The following LAMA5 variants were observed in gnomAD, a reference collection of about 807,000 sequenced individuals.
The protein encoded by LAMA5 is laminin subunit alpha-5.
LAMA5 carries 260 observed loss-of-function variants against 433.4 expected under a neutral mutation model. The ratio of observed to expected loss-of-function variants is 0.60; its 90% CI spans 0.54 to 0.66. LAMA5 has a LOEUF of 0.66. LAMA5 is among the 30% of genes least tolerant of loss of function. The pLI is 0.00. For missense variants in LAMA5, 5,378 were observed against 5,258.5 expected (o/e 1.02, Z -0.70); for synonymous variants, 2,620 against 2,226.6 (o/e 1.18, Z -4.97).
rs567554369 is a variant in LAMA5 at position 62,323,565 on chromosome 20, G to T, written c.5955C>A (p.Asp1985Glu). Reference protein sequence around the residue: ...GDPNLLFSDCDPLTGACRGCL... With the variant: ...GDPNLLFSDCEPLTGACRGCL... ...AGCCACGGCAGGCGCCCGTCAGGGG[G>T]TCGCAGTCGCTGAAGAGCAAGTTGG... The change falls in exon 45 of 80, where the codon GAC becomes GAA. Residue 1985 changes from aspartate to glutamate, a missense_variant. Transcript: ENST00000252999. The T allele has an allele frequency of 1.2e-6, 2 of 1,603,454 alleles. No individual in the cohort carries two copies. The highest frequency in any genetic ancestry group is 1.7e-4 in the Middle Eastern group (1 of 6,042).
rs144342844 is a variant in LAMA5 at position 62,310,046 on chromosome 20, G to A, written c.10770C>T (p.Phe3590=). ...LLRADDGAGE[F]STSVTRPSVL... ...CTGAGGGGCGGGTCACTGACGTGGA[G>A]AACTCCCCTGCTCCGTCATCCGCCC... The change falls in exon 78 of 80, where the codon TTC becomes TTT. Residue 3590 remains phenylalanine, a synonymous_variant. Transcript: ENST00000252999. The A allele has an allele frequency of 3.6e-4, 587 of 1,611,222 alleles. 1 individual carries two copies. The highest frequency in any genetic ancestry group is 8.2e-4 in the South Asian group (75 of 91,068).
At chr20:62,336,154 T>G in intron 18 of LAMA5, among the ~76,000 whole-genome samples, 186 bp downstream of exon 18, 1 of 115,232 alleles carries the variant, frequency 8.7e-6, no homozygotes, top group Non-Finnish European at 1.8e-5. Context: ...CACCCCAACA[T>G]TCCCTTCAGG....
chr20:62,317,352 G>A lies in LAMA5; in HGVS notation c.7504C>T (p.Leu2502=), dbSNP rs758488090. Residue 2502 remains leucine, a synonymous_variant, in exon 55 of 80, where the codon CTG becomes TTG. Transcript: ENST00000252999. ...CCTCTCCTGGCCACCCACCTGGACA[G>A]ATTGAGTGCCAGCTGGCCCAGCTGC... ...AQQLGQLALN[L]SSIILDVNQD... The A allele has an allele frequency of 6.2e-6, 10 of 1,607,280 alleles. No homozygotes were observed. The South Asian group carries it at 8.8e-5, about 14-fold the overall frequency.
rs963152161 is a variant in LAMA5, at chr20:62,359,604, C to A, written c.450+2796G>T. Reference sequence around the variant, plus strand: ...GATACGCAAGAACCCCCTAGAAGGACCCCCTGGGGAAGGTCACGTCTGGAA... The same window carrying A: ...GATACGCAAGAACCCCCTAGAAGGAACCCCTGGGGAAGGTCACGTCTGGAA... On this transcript the variant is annotated intron_variant, in intron 2 of 79. Coordinates refer to ENST00000252999, the MANE Select transcript of LAMA5 (RefSeq NM_005560.6). The surrounding 1 kb of genome is among the most constrained non-coding windows in gnomAD (Gnocchi z 4.3). 3.9e-5 allele frequency among the ~76,000 whole-genome samples: 6 copies of A among 152,108 alleles called. No individual in the cohort carries two copies. Among genetic ancestry groups the A allele is most frequent in the East Asian group, 1.9e-4 (1 of 5,182 alleles).
Position 62,336,428 on chromosome 20 carries a change from C to G in LAMA5, c.2235G>C (p.Met745Ile). 1 of 1,612,440 alleles carries G rather than the reference C, an allele frequency of 6.2e-7. No individual in the cohort carries two copies. Among genetic ancestry groups the G allele is most frequent in the Non-Finnish European group, 8.5e-7 (1 of 1,179,748 alleles). The stretch of plus-strand genomic sequence containing the variant: ...TCGGCCCCTCCACGTGAGCCCGGCA[C>G]ATACAGGGAACCTGTGCCTGGGAGA... Reference protein sequence around the residue: ...PALPEAQVPCMCRAHVEGPSC... With the variant: ...PALPEAQVPCICRAHVEGPSC... Residue 745 changes from methionine to isoleucine, a missense_variant, in exon 18 of 80, where the codon ATG (methionine) becomes ATC (isoleucine). By Grantham distance (10) the Met-to-Ile change is conservative. Transcript: ENST00000252999.
intron 51 of LAMA5, 56 bp from the exon 52 acceptor site, chr20:62,319,069 C>G: frequency 6.9e-7 from 1 of 1,444,316 alleles, no homozygotes; most frequent in Non-Finnish European, 9.1e-7. Flanking sequence ...GCACCTCTGC[C>G]TGCTGGCTTC....
chr20:62,354,639 A>C (rs974319279), intron 2 of LAMA5, among the ~76,000 whole-genome samples: 2 of 152,092 alleles, frequency 1.3e-5, no homozygotes, highest in African/African-American at 4.8e-5. Context: ...GGGGGTCCCG[A>C]GGCACACAGG....
rs749247033 is a variant in LAMA5, at chr20:62,313,448, G to A, written c.8671C>T (p.Leu2891Phe). The change falls in exon 64 of 80, where the codon CTT becomes TTT. Residue 2891 changes from leucine (L) to phenylalanine (F), a missense_variant. Transcript: ENST00000252999. ...CAGCCCCGGTAGCCGGGGAAGCGAA[G>A]CAGGGGAGGGGGCTGTGGGCACAGG... ...YPSTFTPPPLLRFPGYRGCIE... is the reference protein window; with the variant it reads ...YPSTFTPPPLFRFPGYRGCIE... 6.2e-7 allele frequency: 1 copy of A among 1,607,908 alleles called. No individual in the cohort carries two copies. The highest frequency in any genetic ancestry group is 8.5e-7 in the Non-Finnish European group (1 of 1,177,720).
rs1283349123 is a variant in LAMA5 at position 62,359,045 on chromosome 20, C to G, written c.450+3355G>C. On this transcript the variant is annotated intron_variant, in intron 2 of 79. Transcript: ENST00000252999. The surrounding 1 kb of genome is among the most constrained non-coding windows in gnomAD (Gnocchi z 4.3). ...CAGTTCCCCCACACCTTGACCCCCA[C>G]CTGGGCCTCCCCATTTGCCCTGCAG... Among the ~76,000 whole-genome samples, 1 of 152,128 alleles carries G rather than the reference C, an allele frequency of 6.6e-6. No homozygotes were observed. Among genetic ancestry groups the G allele is most frequent in the Non-Finnish European group, 1.5e-5 (1 of 68,004 alleles).
intron 11 of LAMA5, among the ~76,000 whole-genome samples, chr20:62,343,211 G>A (rs983597048): frequency 6.6e-6 from 1 of 152,184 alleles, no homozygotes; most frequent in Non-Finnish European, 1.5e-5. Context: ...GACATTTACC[G>A]TCTGGGCCTT....
rs755291729 is a variant in LAMA5, at chr20:62,338,318, G to C, written c.1670C>G (p.Thr557Arg). 38 of 1,607,832 alleles carry C rather than the reference G, an allele frequency of 2.4e-5. No individual in the cohort carries two copies. Among genetic ancestry groups the C allele is most frequent in the Non-Finnish European group, 3.1e-5 (37 of 1,177,588 alleles). ...GCCCACTCGGCACCTGCACTGGCCT[G>C]TGTCAGGGTCACAGCGGTCATCGGC... Reference protein sequence around the residue: ...GVADDRCDPDTGQCRCRVGFE... With the variant: ...GVADDRCDPDRGQCRCRVGFE... The change falls in exon 13 of 80, where the codon ACA becomes AGA. Residue 557 changes from threonine (T) to arginine (R), a missense_variant. By Grantham distance (71) the Thr-to-Arg change is moderately conservative (BLOSUM62 -1). Transcript: ENST00000252999.
intron 2 of LAMA5, among the ~76,000 whole-genome samples, chr20:62,360,253 G>A (rs1985827969): frequency 1.5e-5 from 2 of 131,804 alleles, no homozygotes; most frequent in African/African-American, 3.0e-5. Flanking sequence ...AGGGAGGAAT[G>A]AGCAGACAGG....
rs201203695 is a variant in LAMA5 at position 62,323,777 on chromosome 20, G to A, written c.5848C>T (p.Arg1950Trp). The change falls in exon 44 of 80, where the codon CGG (arginine) becomes TGG (tryptophan). Residue 1950 changes from arginine to tryptophan, a missense_variant and splice_region_variant. By Grantham distance (101) the Arg-to-Trp change is moderately radical. Transcript: ENST00000252999. ...KPGYAGASCE[R>W]CAPGFFGNPL... ...CCCACTGCCCTAGCCCCAGCTCACC[G>A]CTCGCAGGAGGCACCTGCATAACCA... The A allele has an allele frequency of 5.7e-5, 92 of 1,609,248 alleles. No individual in the cohort carries two copies. The highest frequency in any genetic ancestry group is 8.4e-5 in the Admixed American group (5 of 59,818).
At chr20:62,337,310 C>T (rs919278134) in intron 16 of LAMA5, among the ~76,000 whole-genome samples, 1 of 152,212 alleles carries the variant, frequency 6.6e-6, no homozygotes, top group Non-Finnish European at 1.5e-5. Context: ...ACACACACAC[C>T]CACACAAGCA....
chr20:62,362,644 G>C, intron 1 of LAMA5, 92 bp from the exon 2 acceptor site: 1 of 1,191,152 alleles, frequency 8.4e-7, no homozygotes, highest in Non-Finnish European at 1.1e-6. Flanking sequence ...ACAAGTCCTG[G>C]TCCCACTGAG....
rs1979381900 is a variant in LAMA5 at position 62,326,858 on chromosome 20, C to T, written c.5214+7G>A. On this transcript the variant is annotated splice_region_variant and intron_variant, in intron 39 of 79. Coordinates refer to ENST00000252999, the MANE Select transcript of LAMA5 (RefSeq NM_005560.6). Reference sequence around the variant, plus strand: ...ACCACCCTGCCACATCATCTCAGCTCCCTCACCTGCAGCACCACATCCGGC... The same window carrying T: ...ACCACCCTGCCACATCATCTCAGCTTCCTCACCTGCAGCACCACATCCGGC... 1 of 1,609,294 alleles carries T rather than the reference C, an allele frequency of 6.2e-7. No individual in the cohort carries two copies. Among genetic ancestry groups the T allele is most frequent in the Non-Finnish European group, 8.5e-7 (1 of 1,176,810 alleles).
At position 62,314,665 on chromosome 20, in the gene LAMA5, G is replaced by C; in HGVS notation, c.8257C>G (p.Leu2753Val). The C allele has an allele frequency of 2.5e-6, 4 of 1,612,686 alleles. No homozygotes were observed. Among genetic ancestry groups the C allele is most frequent in the Non-Finnish European group, 3.4e-6 (4 of 1,179,924 alleles). ...GCAGTGTAGGCAGCAAGGTCGGCAA[G>C]ATCCCGTGGGGTGCGCAGCTGCACC... ...SGVQLRTPRDLADLAAYTALK... is the reference protein window; with the variant it reads ...SGVQLRTPRDVADLAAYTALK... The change falls in exon 61 of 80, where the codon CTT (leucine) becomes GTT (valine). Residue 2753 changes from leucine (L) to valine (V), a missense_variant. Physicochemically the swap from Leu to Val is conservative, Grantham distance 32. Coordinates refer to ENST00000252999, the MANE Select transcript of LAMA5 (RefSeq NM_005560.6).
intron 16 of LAMA5, 71 bp downstream of exon 16, chr20:62,337,519 G>A: frequency 6.5e-7 from 1 of 1,540,242 alleles, no homozygotes; most frequent in Admixed American, 2.0e-5. Flanking sequence ...CAGGAAGGCA[G>A]GCAGCGTGTG....
In LAMA5 at chr20:62,312,473, G is replaced by A. The variant is rs1388249412; in HGVS notation, c.9287C>T (p.Ala3096Val). Residue 3096 changes from alanine (A) to valine (V), a missense_variant, in exon 68 of 80, where the codon GCC becomes GTC. Coordinates refer to ENST00000252999, the MANE Select transcript of LAMA5 (RefSeq NM_005560.6). ...SVRGCVKGIK[A>V]LGKYVDLKRL... Reference sequence around the variant, plus strand: ...CTTGAGGTCCACATACTTGCCCAGGGCCTTGATGCCTTTGACGCAGCCACG... The same window carrying A: ...CTTGAGGTCCACATACTTGCCCAGGACCTTGATGCCTTTGACGCAGCCACG... 3.8e-6 allele frequency: 6 copies of A among 1,598,312 alleles called. No individual in the cohort carries two copies. In the East Asian group the frequency reaches 8.9e-5, roughly 24 times the overall value.
Sources: allele counts gnomAD v4.1 joint callset (sites outside exome capture counted in the v4.1 genomes callset), GRCh38; gene constraint gnomAD v4.1.1; non-coding constraint Gnocchi (gnomAD v3.1); transcripts MANE v1.5; gene names NCBI Gene and HGNC (gene_info 2026-07-23, HGNC 2026-07-21).